LRFN2: variants seen among roughly 807,000 people sequenced by gnomAD.
The protein encoded by LRFN2 is leucine rich repeat and fibronectin type III domain containing 2.
Under a neutral mutation model 37.3 loss-of-function variants are expected in LRFN2, and 18 were observed. That is an observed-to-expected ratio of 0.48 (90% CI 0.33 to 0.72). LRFN2 has a LOEUF of 0.72. Among genes scored for constraint, LRFN2 ranks in the 30% least tolerant of loss-of-function variants. The pLI is 0.02. For synonymous variants in LRFN2, 556 were observed against 466.6 expected (o/e 1.19, Z -2.47); for missense variants, 1,006 against 1,060.7 (o/e 0.95, Z 0.72).
intron 1 of LRFN2, among the ~76,000 whole-genome samples, chr6:40,445,723 A>G (rs115565392): frequency 1.7e-3 from 252 of 152,316 alleles, no homozygotes; most frequent in African/African-American, 5.8e-3. Context: ...GGCTAGTGGT[A>G]GGCACATGGC....
rs184305868 is a variant in LRFN2 at position 40,518,272 on chromosome 6, G to C, written c.-19+68669C>G. ...TTTAATCCTATGCTAATTTTATTCT[G>C]TTCCCTGCTCTCTCTCCAGCTGGTG... On this transcript the variant is annotated intron_variant, in intron 1 of 2. Coordinates refer to ENST00000338305, the MANE Select transcript of LRFN2 (RefSeq NM_020737.3). Among the ~76,000 whole-genome samples, 172 of 152,262 alleles carry C rather than the reference G, an allele frequency of 1.1e-3. 1 individual carries two copies. The highest frequency in any genetic ancestry group is 4.4e-3 in the South Asian group (21 of 4,824).
chr6:40,468,251 A>T (rs1305796224), intron 1 of LRFN2, among the ~76,000 whole-genome samples: 1 of 152,052 alleles, frequency 6.6e-6, no homozygotes, highest in Non-Finnish European at 1.5e-5. Context: ...TTCCCCACCC[A>T]CAAGCACTGG....
intron 1 of LRFN2, among the ~76,000 whole-genome samples, chr6:40,459,640 G>A (rs1764305138): frequency 6.6e-6 from 1 of 152,110 alleles, no homozygotes; most frequent in African/African-American, 2.4e-5. Context: ...TGAAAAATCT[G>A]CATGTTCCCT....
chr6:40,575,445 C>T (rs1767260798), intron 1 of LRFN2, among the ~76,000 whole-genome samples: 1 of 152,168 alleles, frequency 6.6e-6, no homozygotes, highest in Admixed American at 6.5e-5. Context: ...ATGGCAACCA[C>T]ACCACCCAGC....
chr6:40,393,684 C>G (rs756222760), intron 2 of LRFN2, among the ~76,000 whole-genome samples: 1 of 152,180 alleles, frequency 6.6e-6, no homozygotes, highest in Non-Finnish European at 1.5e-5. Context: ...AGCCCTGACC[C>G]TGTGCCAGCC....
intron 1 of LRFN2, chr6:40,501,868 G>A (rs1240221669): frequency 2.0e-5 from 3 of 152,126 alleles, no homozygotes; most frequent in African/African-American, 7.2e-5. Context: ...GAGCCAAACA[G>A]GGAGCAGAGA....
chr6:40,426,210 C>T (rs1437500289), intron 2 of LRFN2, among the ~76,000 whole-genome samples: 1 of 152,176 alleles, frequency 6.6e-6, no homozygotes, highest in South Asian at 2.1e-4. Context: ...CTGAAAGTCT[C>T]AAGTAGATCC....
chr6:40,439,474 C>T (rs966438671), intron 1 of LRFN2, among the ~76,000 whole-genome samples: 1 of 152,180 alleles, frequency 6.6e-6, no homozygotes, highest in African/African-American at 2.4e-5. Flanking sequence ...GGAAAGGAAA[C>T]TTGAGTTCCA....
At chr6:40,433,588 T>G (rs768795064) in intron 1 of LRFN2, among the ~76,000 whole-genome samples, 6 of 152,232 alleles carry the variant, frequency 3.9e-5, no homozygotes, top group Non-Finnish European at 7.3e-5. Context: ...ATAATTGAGT[T>G]TGAAAGGATA....
intron 1 of LRFN2, among the ~76,000 whole-genome samples, chr6:40,447,793 T>C (rs1157185349): frequency 6.6e-6 from 1 of 152,152 alleles, no homozygotes; most frequent in Non-Finnish European, 1.5e-5. Context: ...GCCTACCTAG[T>C]AGGTGGTCCA....
chr6:40,543,907 C>G (rs1766604623), intron 1 of LRFN2, among the ~76,000 whole-genome samples: 1 of 152,186 alleles, frequency 6.6e-6, no homozygotes, highest in Non-Finnish European at 1.5e-5. Context: ...AAATGCTCAG[C>G]TCAGAAGCCT....
chr6:40,441,502 T>G (rs1763834549), intron 1 of LRFN2, among the ~76,000 whole-genome samples: 2 of 152,022 alleles, frequency 1.3e-5, no homozygotes, highest in Non-Finnish European at 2.9e-5. Context: ...TGTGAGTGAG[T>G]CTGCCTGAGG....
chr6:40,540,381 T>C (rs1413894424), intron 1 of LRFN2, among the ~76,000 whole-genome samples: 1 of 152,098 alleles, frequency 6.6e-6, no homozygotes, highest in African/African-American at 2.4e-5. Context: ...TCCTTCCAGA[T>C]CCCAAGCTTT....
intron 1 of LRFN2, among the ~76,000 whole-genome samples, chr6:40,476,623 C>T (rs187028983): frequency 6.6e-6 from 1 of 152,266 alleles, no homozygotes; most frequent in Admixed American, 6.5e-5. Flanking sequence ...CACTCTTGGT[C>T]TCTAGAAGCC....
chr6:40,544,616 C>A (rs552586739), intron 1 of LRFN2, among the ~76,000 whole-genome samples: 64 of 152,180 alleles, frequency 4.2e-4, no homozygotes, highest in Non-Finnish European at 7.9e-4. Flanking sequence ...TGCTCCAATG[C>A]CCTCCTGTAA....
At chr6:40,422,808 G>A (rs116659003) in intron 2 of LRFN2, among the ~76,000 whole-genome samples, 5,322 of 152,216 alleles carry the variant, frequency 0.035, 306 homozygotes, top group African/African-American at 0.12. Flanking sequence ...CTAACCAAAC[G>A]TATGTACAAT....
intron 1 of LRFN2, among the ~76,000 whole-genome samples, chr6:40,579,592 C>G (rs1767355401): frequency 7.5e-6 from 1 of 134,008 alleles, no homozygotes; most frequent in South Asian, 2.5e-4. Context: ...GACTCCTAAG[C>G]AACACACACG....
At chr6:40,585,607 C>A (rs1767484926) in intron 1 of LRFN2, among the ~76,000 whole-genome samples, 1 of 152,148 alleles carries the variant, frequency 6.6e-6, no homozygotes, top group South Asian at 2.1e-4. Flanking sequence ...CCCTTGCTCC[C>A]CACCTTGAGT....
intron 1 of LRFN2, among the ~76,000 whole-genome samples, chr6:40,506,165 T>C (rs940407733): frequency 6.6e-6 from 1 of 152,224 alleles, no homozygotes; most frequent in Admixed American, 6.5e-5. Flanking sequence ...GGAAAGCTTC[T>C]CTGCCAAGGT....
Sources: allele counts gnomAD v4.1 joint callset (sites outside exome capture counted in the v4.1 genomes callset), GRCh38; gene constraint gnomAD v4.1.1; transcripts MANE v1.5; gene names NCBI Gene and HGNC (gene_info 2026-07-23, HGNC 2026-07-21).